Variants in CIBAR2 observed in about 807,000 individuals in gnomAD.
CIBAR2 encodes CBY1 interacting BAR domain containing 2.
CIBAR2 carries 38 observed loss-of-function variants against 36.2 expected under a neutral mutation model. The observed-to-expected ratio is 1.05, with a 90% CI of 0.81 to 1.38. The LOEUF is 1.38. Among genes scored for constraint, CIBAR2 ranks in the 40% most tolerant of loss-of-function variants. CIBAR2 has a pLI of 0.00. For synonymous variants in CIBAR2, 182 were observed against 149.5 expected (o/e 1.22, Z -1.58); for missense variants, 481 against 383.4 (o/e 1.25, Z -2.13).
rs1302068069 is a variant in CIBAR2 at position 85,100,172 on chromosome 16, G to T, written c.720C>A (p.Pro240=). Residue 240 remains proline (P), a synonymous_variant, in exon 8 of 9, where the codon CCC becomes CCA. Coordinates refer to ENST00000539556, the MANE Select transcript of CIBAR2 (RefSeq NM_198491.3). The part of the protein sequence containing the change: ...YDTRLLANTS[P]PPSVLQSLAS... ...CGAGAGACTGAAGAACAGATGGAGG[G>T]GGGCTGGTGTTGGCAAGCAGCCGAG... The T allele has an allele frequency of 1.2e-6, 2 of 1,611,430 alleles. No homozygotes were observed. The highest frequency in any genetic ancestry group is 3.3e-4 in the Middle Eastern group (2 of 6,056).
chr16:85,101,011 A>C (rs935042230), intron 7 of CIBAR2, among the ~76,000 whole-genome samples: 2 of 150,520 alleles, frequency 1.3e-5, no homozygotes. Flanking sequence ...GTGCCACTGC[A>C]CTCCAGCCTG....
Position 85,110,265 on chromosome 16 carries a change from A to G in CIBAR2, c.216T>C (p.Ala72=). The G allele has an allele frequency of 1.3e-6, 2 of 1,597,856 alleles. No individual in the cohort carries two copies. Among genetic ancestry groups the G allele is most frequent in the South Asian group, 2.2e-5 (2 of 89,658 alleles). ...AATCCTGCACTTTGGCCAGGTCCTC[A>G]GCGAAGCCCCTCATGGTGGCCCGCA... The part of the protein sequence containing the change: ...PELRATMRGF[A]EDLAKVQDYR... Residue 72 remains alanine (A), a synonymous_variant, in exon 2 of 9, where the codon GCT becomes GCC. Coordinates refer to ENST00000539556, the MANE Select transcript of CIBAR2 (RefSeq NM_198491.3).
At chr16:85,107,460 G>A (rs1192369035) in intron 5 of CIBAR2, among the ~76,000 whole-genome samples, 2 of 152,204 alleles carry the variant, frequency 1.3e-5, no homozygotes, top group Non-Finnish European at 2.9e-5. Context: ...GGCCCATGGA[G>A]GGACTGATGG....
intron 6 of CIBAR2, among the ~76,000 whole-genome samples, chr16:85,103,308 C>A (rs761091529): frequency 1.3e-5 from 2 of 152,142 alleles, no homozygotes; most frequent in African/African-American, 2.4e-5. Context: ...GTCTTGGACT[C>A]CCCAGCCTCC....
chr16:85,106,513 G>A (rs181228667), intron 5 of CIBAR2, among the ~76,000 whole-genome samples: 51 of 152,204 alleles, frequency 3.4e-4, no homozygotes, highest in East Asian at 2.1e-3. Flanking sequence ...AGAGGGAGGC[G>A]GGCAGGTCAG....
At position 85,106,681 on chromosome 16, in the gene CIBAR2, T is replaced by A. The variant is rs2073998160; in HGVS notation, c.432+986A>T. ...AGAAGGAACCAGCCCTTTCCACACC[T>A]TGATTTGGCCCAGTGGGCCCACGGT... On this transcript the variant is annotated intron_variant, in intron 5 of 8. Transcript: ENST00000539556. Among the ~76,000 whole-genome samples the A allele has an allele frequency of 2.0e-5, 3 of 152,194 alleles. No individual in the cohort carries two copies. In the South Asian group the frequency reaches 6.2e-4, roughly 31 times the overall value.
In CIBAR2 at chr16:85,112,402, C is replaced by T; in HGVS notation, c.-50G>A. 6.3e-7 allele frequency: 1 copy of T among 1,595,304 alleles called. No individual in the cohort carries two copies. Among genetic ancestry groups the T allele is most frequent in the Non-Finnish European group, 8.6e-7 (1 of 1,163,208 alleles). ...GGTGCTGGGGAATAAGGACAGGGCC[C>T]CAGGGGTCCTGCAGGCCTGGGAGGA... On this transcript the variant is annotated 5_prime_UTR_variant, in exon 1 of 9. Transcript: ENST00000539556.
At position 85,105,430 on chromosome 16, in the gene CIBAR2, G is replaced by T. The variant is rs773045558; in HGVS notation, c.434C>A (p.Ala145Glu). 11 of 1,611,984 alleles carry T rather than the reference G, an allele frequency of 6.8e-6. No homozygotes were observed. Among genetic ancestry groups the T allele is most frequent in the Non-Finnish European group, 9.3e-6 (11 of 1,178,560 alleles). Residue 145 changes from alanine to glutamate, a missense_variant and splice_region_variant, in exon 6 of 9, where the codon GCA (alanine) becomes GAA (glutamate). Ala to Glu is a moderately radical substitution (Grantham distance 107). Coordinates refer to ENST00000539556, the MANE Select transcript of CIBAR2 (RefSeq NM_198491.3). ...SPSDQQMISQ[A>E]ETRVQRAAVD... ...AGCGGCCCTCTGCACTCTGGTCTCT[G>T]CCTGGCCCCAGGGACACAAGACGTA...
chr16:85,107,629 G>T (rs1302402106), intron 5 of CIBAR2, 38 bp downstream of exon 5: 1 of 1,610,848 alleles, frequency 6.2e-7, no homozygotes, highest in East Asian at 2.2e-5. Context: ...TTTCCTACGT[G>T]TGATTCTGCC....
At chr16:85,103,428 T>C (rs963229373) in intron 6 of CIBAR2, among the ~76,000 whole-genome samples, 1 of 152,216 alleles carries the variant, frequency 6.6e-6, no homozygotes, top group African/African-American at 2.4e-5. Context: ...CTCAAGTTCT[T>C]GCTTTTATCT....
At chr16:85,102,014 G>C (rs2073959363) in intron 7 of CIBAR2, among the ~76,000 whole-genome samples, 200 bp downstream of exon 7, 1 of 152,154 alleles carries the variant, frequency 6.6e-6, no homozygotes, top group Non-Finnish European at 1.5e-5. Flanking sequence ...ATATGTTGAT[G>C]TTCCAAATAG....
intron 1 of CIBAR2, among the ~76,000 whole-genome samples, chr16:85,112,096 C>T (rs1156755400): frequency 1.3e-5 from 2 of 152,294 alleles, no homozygotes; most frequent in East Asian, 3.9e-4. Context: ...CCTCCAGATA[C>T]ACAGGCAGCG....
At chr16:85,109,492 A>G (rs2074023762) in intron 2 of CIBAR2, among the ~76,000 whole-genome samples, 1 of 152,166 alleles carries the variant, frequency 6.6e-6, no homozygotes, top group African/African-American at 2.4e-5. Flanking sequence ...TCTGGTTTAA[A>G]GCTTACTCAA....
chr16:85,107,842 A>T lies in CIBAR2; in HGVS notation c.426+4T>A, dbSNP rs1159495545. ...CCCCAGGCCCCACTTCCAGGGAAGG[A>T]TACGATCATTTGCTGATCCGAGGGT... is the stretch of plus-strand genomic sequence containing the variant. On this transcript the variant is annotated splice_donor_region_variant and intron_variant, in intron 4 of 8. Coordinates refer to ENST00000539556, the MANE Select transcript of CIBAR2 (RefSeq NM_198491.3). 9.3e-6 allele frequency: 15 copies of T among 1,610,772 alleles called. No homozygotes were observed. Among genetic ancestry groups the T allele is most frequent in the Non-Finnish European group, 1.2e-5 (14 of 1,177,014 alleles).
At position 85,098,921 on chromosome 16, in the gene CIBAR2, C is replaced by T. The variant is rs1188596177; in HGVS notation, c.*264G>A. ...GTCACACCGCCGGGAGCAGTGGGCTCGGACCAAGAAATAGATAGCATAAAG... is the reference window on the plus strand; with the variant it reads ...GTCACACCGCCGGGAGCAGTGGGCTTGGACCAAGAAATAGATAGCATAAAG... On this transcript the variant is annotated 3_prime_UTR_variant, in exon 9 of 9. Coordinates refer to ENST00000539556, the MANE Select transcript of CIBAR2 (RefSeq NM_198491.3). 7 of 331,084 alleles carry T rather than the reference C, an allele frequency of 2.1e-5. No homozygotes were observed. The highest frequency in any genetic ancestry group is 8.0e-5 in the East Asian group (1 of 12,496). The allele number at this position is 331,084 out of a possible 1,614,324, so 20.5% of individuals were successfully genotyped here.
At chr16:85,100,955 G>C (rs984418128) in intron 7 of CIBAR2, among the ~76,000 whole-genome samples, 1 of 152,046 alleles carries the variant, frequency 6.6e-6, no homozygotes, top group African/African-American at 2.4e-5. Context: ...GCGGAGGCAG[G>C]AGAATGGCTT....
intron 6 of CIBAR2, 57 bp downstream of exon 6, chr16:85,105,270 A>G (rs1385892546): frequency 1.0e-6 from 1 of 1,000,948 alleles, no homozygotes; most frequent in African/African-American, 1.6e-5. Context: ...ACACACGTGC[A>G]TGCACACACA....
At position 85,107,382 on chromosome 16, in the gene CIBAR2, C is replaced by T. The variant is rs114766714; in HGVS notation, c.432+285G>A. Among the ~76,000 whole-genome samples, 369 of 152,212 alleles carry T rather than the reference C, an allele frequency of 2.4e-3. 1 individual carries two copies. Among genetic ancestry groups the T allele is most frequent in the African/African-American group, 8.5e-3 (354 of 41,536 alleles). On this transcript the variant is annotated intron_variant, in intron 5 of 8. Transcript: ENST00000539556. ...GTGAGCCCTGGTTTCCTCCTGTAGA[C>T]GATGGGGATGAGGCTAGCAGTGCCC...
rs541944476 is a variant in CIBAR2 at position 85,107,808 on chromosome 16, G to A, written c.426+38C>T. ...GACATCAGTGTGAGTGGACACCCTG[G>A]CCCGGCAGCCCCAGGCCCCACTTCC... On this transcript the variant is annotated intron_variant, in intron 4 of 8. Transcript: ENST00000539556. The A allele has an allele frequency of 1.5e-5, 24 of 1,586,304 alleles. No individual in the cohort carries two copies. The East Asian group carries it at 4.9e-4, about 33-fold the overall frequency.
Sources: gnomAD v4.1 joint callset for allele counts (sites outside exome capture counted in the v4.1 genomes callset) on GRCh38, gnomAD v4.1.1 for gene constraint, MANE v1.5 for transcripts, NCBI Gene and HGNC (gene_info 2026-07-23, HGNC 2026-07-21) for gene names.